CCNL1: variants seen among roughly 807,000 people sequenced by gnomAD.
The protein encoded by CCNL1 is cyclin-L1.
A neutral mutation model predicts 60.6 loss-of-function variants in CCNL1; 13 were observed. That is an observed-to-expected ratio of 0.21 (90% CI 0.14 to 0.34). CCNL1 has a LOEUF of 0.34. Ranked by LOEUF, CCNL1 falls within the 10% of genes least tolerant of loss-of-function variation. The pLI is 1.00. For synonymous variants in CCNL1, 270 were observed against 244.3 expected (o/e 1.10, Z -0.98); for missense variants, 481 against 664.3 (o/e 0.72, Z 3.03).
chr3:157,146,698 T>A, downstream of CCNL1: 1 of 356,400 alleles, frequency 2.8e-6, no homozygotes, highest in South Asian at 2.2e-5. Flanking sequence ...CTTTCTTCAA[T>A]GTCTATCTTG....
downstream of CCNL1, among the ~76,000 whole-genome samples, chr3:157,145,471 C>T (rs1262364235): frequency 2.5e-5 from 2 of 79,474 alleles, no homozygotes; most frequent in African/African-American, 9.0e-5. Context: ...AAAACCAAAA[C>T]GGGATTTAAT....
chr3:157,154,534 T>C (rs1043567020), intron 3 of CCNL1: 2 of 152,190 alleles, frequency 1.3e-5, no homozygotes, highest in African/African-American at 4.8e-5. Flanking sequence ...TCTCATATTT[T>C]TAAAACAAAA....
downstream of CCNL1, among the ~76,000 whole-genome samples, chr3:157,143,574 C>G (rs1003072167): frequency 1.3e-5 from 2 of 152,138 alleles, no homozygotes; most frequent in African/African-American, 2.4e-5. Flanking sequence ...CCCTCCCTTA[C>G]GAGCTTACAT....
In CCNL1 at chr3:157,147,947, C is replaced by T. The variant is rs1737859787; in HGVS notation, c.*294G>A. 2.7e-6 allele frequency: 3 copies of T among 1,097,102 alleles called. No homozygotes were observed. The highest frequency in any genetic ancestry group is 4.8e-5 in the Admixed American group (1 of 20,698). 68.0% of individuals were successfully genotyped at this position (1,097,102 alleles called of 1,614,324 possible). A position where few individuals can be genotyped will look rare whatever the true frequency, so the allele number is the denominator to read the frequency against. ...ATTTTATCTGTATAAAAATAAGATA[C>T]ATTTTTACAGAATTCACGCTCCAGT... On this transcript the variant is annotated 3_prime_UTR_variant, in exon 11 of 11. Coordinates refer to ENST00000295926, the MANE Select transcript of CCNL1 (RefSeq NM_020307.4).
At chr3:157,156,140 T>C (rs1005640342) in intron 3 of CCNL1, among the ~76,000 whole-genome samples, 2 of 152,194 alleles carry the variant, frequency 1.3e-5, no homozygotes, top group African/African-American at 2.4e-5. Flanking sequence ...CTGAGAAATA[T>C]TGGAACCAAG....
Position 157,149,268 on chromosome 3 carries a change from TAAG to T in CCNL1, c.1232+16_1232+18del. The T allele has an allele frequency of 6.4e-7, 1 of 1,566,914 alleles. No individual in the cohort carries two copies. The highest frequency in any genetic ancestry group is 8.8e-7 in the Non-Finnish European group (1 of 1,137,508). On this transcript the variant is annotated intron_variant, in intron 10 of 10. Transcript: ENST00000295926. ...AAAACTCCAAATAAGACTGCTTCCC[TAAG>T]AAAACATTTACTTACTGTCTTCTTG...
At position 157,149,477 on chromosome 3, in the gene CCNL1, A is replaced by T. The variant is rs1326553122; in HGVS notation, c.1133+8T>A. 6.2e-7 allele frequency: 1 copy of T among 1,612,520 alleles called. No homozygotes were observed. The highest frequency in any genetic ancestry group is 2.2e-5 in the East Asian group (1 of 44,860). On this transcript the variant is annotated splice_region_variant and intron_variant, in intron 9 of 10. Coordinates refer to ENST00000295926, the MANE Select transcript of CCNL1 (RefSeq NM_020307.4). ...CTCAAGCCAGTTTTCCAGCCCAAGT[A>T]TACTCACCCATTGTAAGGGCTTTTG...
intron 4 of CCNL1, 161 bp downstream of exon 4, chr3:157,152,875 T>C: frequency 7.2e-7 from 1 of 1,384,420 alleles, no homozygotes; most frequent in Non-Finnish European, 9.3e-7. Flanking sequence ...CTGATAAATC[T>C]CAACATCCAA....
chr3:157,147,183 T>A (rs1737812539), downstream of CCNL1, among the ~76,000 whole-genome samples: 1 of 152,234 alleles, frequency 6.6e-6, no homozygotes, highest in Non-Finnish European at 1.5e-5. Context: ...AAAATAAATG[T>A]AATGGAGACC....
At chr3:157,146,379 TAAA>T (rs1224637518), downstream of CCNL1, 4 of 285,028 alleles carry the variant, frequency 1.4e-5, no homozygotes, top group Non-Finnish European at 2.8e-5. Flanking sequence ...AAGCCACCTC[TAAA>T]AACACCTTTA....
In CCNL1 at chr3:157,150,399, T is replaced by C; in HGVS notation, c.675-18A>G. On this transcript the variant is annotated intron_variant, in intron 5 of 10. Transcript: ENST00000295926. ...TGTAATTCCTGAAAAATATTTCAAC[T>C]ATAAGCTTGCATGTAAACAAACCAG... The C allele has an allele frequency of 6.2e-7, 1 of 1,610,718 alleles. No individual in the cohort carries two copies. The highest frequency in any genetic ancestry group is 8.5e-7 in the Non-Finnish European group (1 of 1,177,810).
chr3:157,157,019 T>G, intron 3 of CCNL1: 1 of 1,289,828 alleles, frequency 7.8e-7, no homozygotes, highest in Non-Finnish European at 1.0e-6. Flanking sequence ...ACTGTTGCCA[T>G]GACGACAGCT....
rs1187898334 is a variant in CCNL1, at chr3:157,151,046, A to G, written c.675-665T>C. The G allele has an allele frequency of 4.1e-6, 4 of 984,834 alleles. No homozygotes were observed. In the East Asian group the frequency reaches 3.4e-4, roughly 84 times the overall value. 61.0% of individuals were successfully genotyped at this position (984,834 alleles called of 1,614,324 possible). On this transcript the variant is annotated intron_variant, in intron 5 of 10. Transcript: ENST00000295926. ...ACCCTCCCCACAACATTCCTAAACT[A>G]TCAAAGAAATTTTACAGATCATTTA...
At chr3:157,158,028 A>G (rs1244321838) in intron 3 of CCNL1, among the ~76,000 whole-genome samples, 3 of 152,258 alleles carry the variant, frequency 2.0e-5, no homozygotes, top group African/African-American at 7.2e-5. Context: ...TGCAAAAACT[A>G]TTCTACACCA....
downstream of CCNL1, among the ~76,000 whole-genome samples, chr3:157,146,029 TTA>T (rs951038264): frequency 1.4e-4 from 22 of 152,248 alleles, no homozygotes; most frequent in African/African-American, 4.6e-4. Context: ...AGCTATATGG[TTA>T]TGTTTTAAAA....
chr3:157,152,372 A>C (rs1183107872), intron 4 of CCNL1, 131 bp from the exon 5 acceptor site: 25 of 1,430,618 alleles, frequency 1.7e-5, no homozygotes, highest in African/African-American at 4.4e-5. Context: ...ACCAATTTAA[A>C]TGTACATAAG....
chr3:157,149,826 T>A lies in CCNL1; in HGVS notation c.1021+10A>T. On this transcript the variant is annotated intron_variant, in intron 8 of 10. Coordinates refer to ENST00000295926, the MANE Select transcript of CCNL1 (RefSeq NM_020307.4). Reference sequence around the variant, plus strand: ...GCCCCCAAGTCATTTTAATTCTAAATACATCTTACATGGCTTGGAGGCTGG... The same window carrying A: ...GCCCCCAAGTCATTTTAATTCTAAAAACATCTTACATGGCTTGGAGGCTGG... 6.2e-7 allele frequency: 1 copy of A among 1,609,776 alleles called. No individual in the cohort carries two copies. Among genetic ancestry groups the A allele is most frequent in the Non-Finnish European group, 8.5e-7 (1 of 1,178,892 alleles).
At chr3:157,149,708 G>A in intron 8 of CCNL1, 112 bp from the exon 9 acceptor site, 1 of 1,454,954 alleles carries the variant, frequency 6.9e-7, no homozygotes, top group Non-Finnish European at 9.4e-7. Context: ...TTGGTTGACT[G>A]CCATGAGAGA....
downstream of CCNL1, among the ~76,000 whole-genome samples, chr3:157,144,773 T>G (rs1737733079): frequency 6.6e-6 from 1 of 152,230 alleles, no homozygotes; most frequent in South Asian, 2.1e-4. Context: ...GCTTTTAACT[T>G]CATTTTAAAA....
Sources: gnomAD v4.1 joint callset for allele counts (sites outside exome capture counted in the v4.1 genomes callset) on GRCh38, gnomAD v4.1.1 for gene constraint, MANE v1.5 for transcripts, NCBI Gene and HGNC (gene_info 2026-07-23, HGNC 2026-07-21) for gene names.